The following NXNL1 variants were observed in gnomAD, a reference collection of about 807,000 sequenced individuals.
NXNL1 encodes the protein nucleoredoxin-like protein 1.
A neutral mutation model predicts 7.2 loss-of-function variants in NXNL1; 6 were observed. That is an observed-to-expected ratio of 0.83 (90% CI 0.46 to 1.64). The LOEUF (loss-of-function observed/expected upper bound fraction) is 1.64, where lower values mean the gene tolerates loss of function less well. Among genes scored for constraint, NXNL1 ranks in the 40% most tolerant of loss-of-function variants. NXNL1 has a pLI of 0.01. For synonymous variants in NXNL1, 133 were observed against 127.2 expected (o/e 1.05, Z -0.31); for missense variants, 308 against 285.1 (o/e 1.08, Z -0.58).
intron 1 of NXNL1, among the ~76,000 whole-genome samples, chr19:17,458,014 C>G (rs1282855073): frequency 6.6e-6 from 1 of 152,054 alleles, no homozygotes; most frequent in East Asian, 1.9e-4. Flanking sequence ...TAATTTAGCA[C>G]AAACTATACA....
In NXNL1 at chr19:17,460,914, C is replaced by T. The variant is rs762540799; in HGVS notation, c.-45G>A. On this transcript the variant is annotated 5_prime_UTR_variant, in exon 1 of 2. Coordinates refer to ENST00000301944, the MANE Select transcript of NXNL1 (RefSeq NM_138454.2). Reference sequence around the variant, plus strand: ...TGGGGACAGCGCGGCGTGTGGTCCCCGGTCTGCTGACTGGCTCCTCTCCCA... The same window carrying T: ...TGGGGACAGCGCGGCGTGTGGTCCCTGGTCTGCTGACTGGCTCCTCTCCCA... 42 of 1,579,740 alleles carry T rather than the reference C, an allele frequency of 2.7e-5. No homozygotes were observed. The East Asian group carries it at 2.7e-4, about 10-fold the overall frequency.
intron 1 of NXNL1, among the ~76,000 whole-genome samples, chr19:17,458,499 C>T (rs1387614961): frequency 2.0e-5 from 3 of 151,856 alleles, no homozygotes; most frequent in African/African-American, 7.2e-5. Flanking sequence ...TGAGCCACTG[C>T]ACCCAGCCTG....
intron 1 of NXNL1, among the ~76,000 whole-genome samples, 169 bp downstream of exon 1, chr19:17,460,375 G>C (rs1228617396): frequency 6.6e-6 from 1 of 152,094 alleles, no homozygotes; most frequent in Non-Finnish European, 1.5e-5. Context: ...AAGCTCCCTG[G>C]GGTGGCATGG....
intron 1 of NXNL1, among the ~76,000 whole-genome samples, chr19:17,458,596 A>ATTTTTTTTT (rs34265338): frequency 9.1e-5 from 8 of 87,860 alleles, no homozygotes; most frequent in East Asian, 6.2e-4. Flanking sequence ...GATCTTTTTA[A>ATTTTTTTTT]TTTTTTTTTT....
chr19:17,460,889 T>C lies in NXNL1; in HGVS notation c.-20A>G, dbSNP rs1317198432. The C allele has an allele frequency of 2.5e-6, 4 of 1,610,590 alleles. No homozygotes were observed. Among genetic ancestry groups the C allele is most frequent in the Non-Finnish European group, 3.4e-6 (4 of 1,179,736 alleles). ...GGCCATGGTAACCTGGGTTGGGTGC[T>C]GGGGACAGCGCGGCGTGTGGTCCCC... On this transcript the variant is annotated 5_prime_UTR_variant, in exon 1 of 2. Coordinates refer to ENST00000301944, the MANE Select transcript of NXNL1 (RefSeq NM_138454.2).
At chr19:17,456,085 G>A (rs2074992350) in intron 1 of NXNL1, 126 bp from the exon 2 acceptor site, 4 of 1,481,194 alleles carry the variant, frequency 2.7e-6, no homozygotes, top group Admixed American at 4.6e-5. Flanking sequence ...CGGGCACTGG[G>A]TAGGTGCACA....
At chr19:17,456,798 G>C (rs2074995055) in intron 1 of NXNL1, among the ~76,000 whole-genome samples, 1 of 152,042 alleles carries the variant, frequency 6.6e-6, no homozygotes, top group Non-Finnish European at 1.5e-5. Context: ...CCCATGAGTA[G>C]ATTGCCAGGT....
rs573916660 is a variant in NXNL1, at chr19:17,458,664, C to T, written c.326+1880G>A. ...TCGCTCAGCCTGGAGTGCAGTGGTG[C>T]GATCTTGGCTCACTGCACCCTCCGC... On this transcript the variant is annotated intron_variant, in intron 1 of 1. Coordinates refer to ENST00000301944, the MANE Select transcript of NXNL1 (RefSeq NM_138454.2). 4.2e-3 allele frequency among the ~76,000 whole-genome samples: 544 copies of T among 130,396 alleles called. 4 individuals are homozygous for T. The highest frequency in any genetic ancestry group is 0.015 in the African/African-American group (504 of 34,038). The allele number at this position is 130,396 out of a possible 152,430, so 85.5% of individuals were successfully genotyped here.
chr19:17,455,971 G>T lies in NXNL1; in HGVS notation c.327-12C>A. The T allele has an allele frequency of 6.3e-7, 1 of 1,597,592 alleles. No individual in the cohort carries two copies. The highest frequency in any genetic ancestry group is 8.5e-7 in the Non-Finnish European group (1 of 1,179,546). On this transcript the variant is annotated splice_polypyrimidine_tract_variant and intron_variant, in intron 1 of 1. Coordinates refer to ENST00000301944, the MANE Select transcript of NXNL1 (RefSeq NM_138454.2). ...GGCGCCCGAGGTCCCTGCGGAGCGGGCAGGTCAGTCTGGACGGATCCACAT... is the reference window on the plus strand; with the variant it reads ...GGCGCCCGAGGTCCCTGCGGAGCGGTCAGGTCAGTCTGGACGGATCCACAT...
In NXNL1 at chr19:17,460,810, C is replaced by T; in HGVS notation, c.60G>A (p.Leu20=). The change falls in exon 1 of 2, where the codon CTG becomes CTA. Residue 20 remains leucine, a synonymous_variant. Transcript: ENST00000301944. ...TGCGACTGACCTCAGCCTCCGTATCCAGCTCGTCCTGGTCGCTATTGTTGC... is the reference window on the plus strand; with the variant it reads ...TGCGACTGACCTCAGCCTCCGTATCTAGCTCGTCCTGGTCGCTATTGTTGC... ...LIRNNSDQDE[L]DTEAEVSRRL... The T allele has an allele frequency of 6.2e-7, 1 of 1,613,880 alleles. No homozygotes were observed. Among genetic ancestry groups the T allele is most frequent in the Non-Finnish European group, 8.5e-7 (1 of 1,180,032 alleles).
At chr19:17,459,951 G>A (rs1486712949) in intron 1 of NXNL1, among the ~76,000 whole-genome samples, 1 of 152,074 alleles carries the variant, frequency 6.6e-6, no homozygotes, top group Non-Finnish European at 1.5e-5. Flanking sequence ...TTCCCTCATT[G>A]TATTTCCACT....
intron 1 of NXNL1, 145 bp from the exon 2 acceptor site, chr19:17,456,104 G>C: frequency 1.4e-6 from 2 of 1,421,152 alleles, no homozygotes; most frequent in Admixed American, 2.6e-5. Flanking sequence ...CACGAGGACC[G>C]GGACAGGGCC....
chr19:17,460,173 G>C (rs1312688926), intron 1 of NXNL1, among the ~76,000 whole-genome samples: 1 of 151,978 alleles, frequency 6.6e-6, no homozygotes, highest in Admixed American at 6.6e-5. Flanking sequence ...ACCACGCCTG[G>C]ATAATTTTTG....
intron 1 of NXNL1, 76 bp from the exon 2 acceptor site, chr19:17,456,035 C>T (rs1270954973): frequency 1.3e-6 from 2 of 1,576,012 alleles, no homozygotes; most frequent in Non-Finnish European, 1.7e-6. Flanking sequence ...TCCCTCCTCC[C>T]AGTACTTAGG....
At position 17,455,881 on chromosome 19, in the gene NXNL1, G is replaced by T. The variant is rs776818552; in HGVS notation, c.405C>A (p.Arg135=). Residue 135 remains arginine, a synonymous_variant, in exon 2 of 2, where the codon CGC becomes CGA. Coordinates refer to ENST00000301944, the MANE Select transcript of NXNL1 (RefSeq NM_138454.2). ...GGCGCTGGATCTCGTCGGCGCCGTC[G>T]CGAGTGAGCACGTCCCCGTCCGGCT... ...VLKPDGDVLT[R]DGADEIQRLG... 1.3e-6 allele frequency: 2 copies of T among 1,591,816 alleles called. No individual in the cohort carries two copies. The highest frequency in any genetic ancestry group is 2.2e-5 in the South Asian group (2 of 90,122).
rs566171280 is a variant in NXNL1 at position 17,460,450 on chromosome 19, C to T, written c.326+94G>A. ...CTAGTTCCCAGTATATGGACTGGCACACAGGGGCTGCTCATTCACTCTAGT... is the reference window on the plus strand; with the variant it reads ...CTAGTTCCCAGTATATGGACTGGCATACAGGGGCTGCTCATTCACTCTAGT... On this transcript the variant is annotated intron_variant, in intron 1 of 1. Coordinates refer to ENST00000301944, the MANE Select transcript of NXNL1 (RefSeq NM_138454.2). 6 of 1,349,650 alleles carry T rather than the reference C, an allele frequency of 4.4e-6. No individual in the cohort carries two copies. The African/African-American group carries it at 8.6e-5, about 19-fold the overall frequency. The allele number at this position is 1,349,650 out of a possible 1,614,324, so 83.6% of individuals were successfully genotyped here.
Position 17,455,880 on chromosome 19 carries a change from C to A in NXNL1, c.406G>T (p.Asp136Tyr), listed in dbSNP as rs372954697. Residue 136 changes from aspartate to tyrosine, a missense_variant, in exon 2 of 2, where the codon GAC becomes TAC. Coordinates refer to ENST00000301944, the MANE Select transcript of NXNL1 (RefSeq NM_138454.2). ...LKPDGDVLTR[D>Y]GADEIQRLGT... ...AGGCGCTGGATCTCGTCGGCGCCGT[C>A]GCGAGTGAGCACGTCCCCGTCCGGC... 2.5e-6 allele frequency: 4 copies of A among 1,591,500 alleles called. No individual in the cohort carries two copies. The highest frequency in any genetic ancestry group is 2.2e-5 in the South Asian group (2 of 90,104).
At chr19:17,458,596 ATTTTTTTTTTT>A (rs34265338) in intron 1 of NXNL1, among the ~76,000 whole-genome samples, 7 of 87,852 alleles carry the variant, frequency 8.0e-5, no homozygotes, top group African/African-American at 2.8e-4. Flanking sequence ...GATCTTTTTA[ATTTTTTTTTTT>A]TTTTTTTTTT....
intron 1 of NXNL1, among the ~76,000 whole-genome samples, chr19:17,456,390 G>A (rs570858205): frequency 3.8e-4 from 58 of 151,968 alleles, no homozygotes; most frequent in African/African-American, 1.2e-3. Context: ...TCAGGAGGCC[G>A]AGGTACCTGG....
Sources: allele counts gnomAD v4.1 joint callset (sites outside exome capture counted in the v4.1 genomes callset), GRCh38; gene constraint gnomAD v4.1.1; transcripts MANE v1.5; gene names NCBI Gene and HGNC (gene_info 2026-07-23, HGNC 2026-07-21).